SLC44A5: variants seen among roughly 807,000 people sequenced by gnomAD.
SLC44A5 encodes choline transporter-like protein 5.
A neutral mutation model predicts 101.8 loss-of-function variants in SLC44A5; 57 were observed. That is an observed-to-expected ratio of 0.56 (90% confidence interval 0.45 to 0.70). The LOEUF (loss-of-function observed/expected upper bound fraction) is 0.70, where lower values mean the gene tolerates loss of function less well. Ranked by LOEUF, SLC44A5 falls within the 30% of genes least tolerant of loss-of-function variation. The pLI is 0.00. For synonymous variants in SLC44A5, 281 were observed against 290.9 expected, an observed-to-expected ratio of 0.97 and a Z score of 0.35; for missense variants, 737 against 853.1, an observed-to-expected ratio of 0.86 and a Z score of 1.70.
the SLC44A5 span, among the ~76,000 whole-genome samples, chr1:75,664,598 T>C: frequency 6.6e-6 from 1 of 152,108 alleles, no homozygotes; most frequent in Non-Finnish European, 1.5e-5. Context: ...GGAATACAGA[T>C]AACCAAGGAG....
intron 1 of SLC44A5, among the ~76,000 whole-genome samples, chr1:75,571,104 G>T (rs1673050254): frequency 6.6e-6 from 1 of 152,012 alleles, no homozygotes; most frequent in South Asian, 2.1e-4. Flanking sequence ...ATAATCCAGA[G>T]GATTTAAGAG....
chr1:75,595,450 A>AT (rs1200823855), intron 1 of SLC44A5, among the ~76,000 whole-genome samples: 2 of 81,220 alleles, frequency 2.5e-5, no homozygotes, highest in East Asian at 1.3e-3. Flanking sequence ...TTTCACTACA[A>AT]TTAAAAAAAA....
chr1:75,566,915 A>G (rs940904854), intron 1 of SLC44A5, among the ~76,000 whole-genome samples: 8 of 152,242 alleles, frequency 5.3e-5, no homozygotes, highest in African/African-American at 1.9e-4. Flanking sequence ...GAGGTTAATC[A>G]ACCTGTCCAA....
chr1:75,579,615 A>G (rs1673566825), intron 1 of SLC44A5, among the ~76,000 whole-genome samples: 1 of 152,064 alleles, frequency 6.6e-6, no homozygotes, highest in Non-Finnish European at 1.5e-5. Context: ...AATGCATTTA[A>G]AAGACCCCTT....
chr1:75,353,261 C>T (rs1415179945), intron 3 of SLC44A5, among the ~76,000 whole-genome samples: 2 of 152,210 alleles, frequency 1.3e-5, no homozygotes, highest in East Asian at 1.9e-4. Context: ...CTGAGACAGT[C>T]CATTCAGTGA....
intron 5 of SLC44A5, among the ~76,000 whole-genome samples, chr1:75,291,000 T>TA (rs1313565078): frequency 6.6e-6 from 1 of 152,182 alleles, no homozygotes; most frequent in Admixed American, 6.5e-5. Context: ...AGCATATCCT[T>TA]AAAACAGGTT....
intron 4 of SLC44A5, among the ~76,000 whole-genome samples, chr1:75,319,679 A>C (rs1242332327): frequency 1.3e-5 from 2 of 152,194 alleles, no homozygotes; most frequent in Admixed American, 6.5e-5. Flanking sequence ...GAGAACAGAC[A>C]AAAATATGTG....
chr1:75,510,851 A>G (rs1201460261), intron 2 of SLC44A5, among the ~76,000 whole-genome samples: 1 of 152,196 alleles, frequency 6.6e-6, no homozygotes, highest in Non-Finnish European at 1.5e-5. Flanking sequence ...ATAGTTAAAG[A>G]AAAATGGTAG....
At chr1:75,695,788 A>C in the SLC44A5 span, among the ~76,000 whole-genome samples, 1 of 148,310 alleles carries the variant, frequency 6.7e-6, no homozygotes, top group Admixed American at 6.8e-5. Context: ...TATTCATGAT[A>C]CTATGTATAC....
chr1:75,511,328 T>C (rs1669561158), intron 2 of SLC44A5, among the ~76,000 whole-genome samples: 1 of 152,150 alleles, frequency 6.6e-6, no homozygotes, highest in Non-Finnish European at 1.5e-5. Flanking sequence ...GGGACTTCTT[T>C]TAAATGTCAA....
chr1:75,211,685 C>G (rs1646856250), intron 22 of SLC44A5, 133 bp from the exon 23 acceptor site: 3 of 572,016 alleles, frequency 5.2e-6, no homozygotes, highest in Non-Finnish European at 9.2e-6. Flanking sequence ...AGTATAGAGA[C>G]CAAAAAGTTC....
rs926541717 is a variant in SLC44A5, at chr1:75,577,431, T to C, written c.-70+33609A>G. ...GCTTCTGAAACAAACATGCGAAGCA[T>C]GCTCCCGCCTCAGAGCCTTCGCACT... is the stretch of plus-strand genomic sequence containing the variant. On this transcript the variant is annotated intron_variant, in intron 1 of 23. Transcript: ENST00000370859. Among the ~76,000 whole-genome samples, 3 of 152,342 alleles carry C rather than the reference T, an allele frequency of 2.0e-5. No homozygotes were observed. In the South Asian group the frequency reaches 6.2e-4, roughly 32 times the overall value.
intron 6 of SLC44A5, among the ~76,000 whole-genome samples, chr1:75,260,789 G>A (rs1159584709): frequency 6.6e-6 from 1 of 152,076 alleles, no homozygotes; most frequent in East Asian, 1.9e-4. Flanking sequence ...ACACTCCTCA[G>A]CAAATGCAAA....
intron 2 of SLC44A5, among the ~76,000 whole-genome samples, chr1:75,501,049 C>G (rs980920538): frequency 2.0e-5 from 3 of 152,136 alleles, no homozygotes; most frequent in African/African-American, 4.8e-5. Flanking sequence ...TCAGTTGATT[C>G]TTTCCTCATC....
the SLC44A5 span, among the ~76,000 whole-genome samples, chr1:75,697,349 C>T: frequency 1.3e-5 from 2 of 152,152 alleles, no homozygotes; most frequent in Non-Finnish European, 2.9e-5. Context: ...TTAAAGCCCA[C>T]AAGAATCTGA....
intron 2 of SLC44A5, among the ~76,000 whole-genome samples, chr1:75,511,665 G>A (rs879605457): frequency 1.8e-4 from 28 of 152,068 alleles, no homozygotes; most frequent in Non-Finnish European, 7.4e-5. Context: ...TTAAAAGATG[G>A]GATGCCTGTT....
intron 2 of SLC44A5, among the ~76,000 whole-genome samples, chr1:75,444,997 A>G (rs529295556): frequency 6.6e-6 from 1 of 152,280 alleles, no homozygotes; most frequent in African/African-American, 2.4e-5. Context: ...TATATTGAAC[A>G]AGAAAATGTA....
intron 3 of SLC44A5, among the ~76,000 whole-genome samples, chr1:75,374,167 A>G (rs1570031594): frequency 6.6e-6 from 1 of 152,148 alleles, no homozygotes; most frequent in Non-Finnish European, 1.5e-5. Context: ...TCAGAGGGAG[A>G]CCCAGTAGAA....
the SLC44A5 span, among the ~76,000 whole-genome samples, chr1:75,668,190 T>C: frequency 2.6e-5 from 4 of 152,190 alleles, no homozygotes; most frequent in African/African-American, 9.6e-5. Context: ...TCACTCCAGG[T>C]ATAAGATAAT....
Sources: allele counts gnomAD v4.1 joint callset (sites outside exome capture counted in the v4.1 genomes callset), GRCh38; gene constraint gnomAD v4.1.1; transcripts MANE v1.5; gene names NCBI Gene and HGNC (gene_info 2026-07-23, HGNC 2026-07-21).